TINAG: variants seen among roughly 807,000 people sequenced by gnomAD.
The protein encoded by TINAG is tubulointerstitial nephritis antigen.
Under a neutral mutation model 72.7 loss-of-function variants are expected in TINAG, and 83 were observed. The ratio of observed to expected loss-of-function variants is 1.14; its 90% CI spans 0.96 to 1.37. TINAG has a LOEUF of 1.37. Ranked by LOEUF, TINAG falls within the 40% of genes most tolerant of loss-of-function variation. The pLI, the probability that TINAG is intolerant of heterozygous loss-of-function variation, is 0.00. For missense variants in TINAG, 685 were observed against 576.6 expected (o/e 1.19, Z -1.93); for synonymous variants, 234 against 189.9 (o/e 1.23, Z -1.91).
Position 54,365,835 on chromosome 6 carries a change from G to C in TINAG, c.1250+11199G>C, listed in dbSNP as rs573197309. Among the ~76,000 whole-genome samples the C allele has an allele frequency of 4.6e-5, 7 of 151,636 alleles. No homozygotes were observed. The Admixed American group carries it at 4.6e-4, about 10-fold the overall frequency. On this transcript the variant is annotated intron_variant, in intron 9 of 10. Transcript: ENST00000259782. ...TGAGATTGTATGTTCTCTCTTTAGAGAGTCTTCACTGAGAAATTTAGAGAA... is the reference window on the plus strand; with the variant it reads ...TGAGATTGTATGTTCTCTCTTTAGACAGTCTTCACTGAGAAATTTAGAGAA...
At chr6:54,347,300 G>A in intron 5 of TINAG, 67 bp from the exon 6 acceptor site, 2 of 1,524,348 alleles carry the variant, frequency 1.3e-6, no homozygotes, top group Non-Finnish European at 1.8e-6. Flanking sequence ...CAAACAAAAA[G>A]GGTTATGTAC....
chr6:54,377,884 A>G (rs1210958457), intron 9 of TINAG, among the ~76,000 whole-genome samples: 1 of 152,160 alleles, frequency 6.6e-6, no homozygotes, highest in Non-Finnish European at 1.5e-5. Context: ...GTTTTGCACT[A>G]GTTAACCTTT....
intron 9 of TINAG, among the ~76,000 whole-genome samples, chr6:54,364,069 G>GT (rs560490675): frequency 6.6e-6 from 1 of 151,668 alleles, no homozygotes; most frequent in South Asian, 2.1e-4. Flanking sequence ...GAAAAAAGAT[G>GT]TGGTGGGAGG....
At chr6:54,324,194 T>G (rs9474804) in intron 3 of TINAG, among the ~76,000 whole-genome samples, 106 of 152,296 alleles carry the variant, frequency 7.0e-4, no homozygotes, top group Middle Eastern at 3.4e-3. Flanking sequence ...ACGATAAGCT[T>G]TTCATCTTTT....
At chr6:54,309,348 C>G (rs1408253735) in intron 1 of TINAG, among the ~76,000 whole-genome samples, 2 of 152,150 alleles carry the variant, frequency 1.3e-5, no homozygotes, top group African/African-American at 4.8e-5. Flanking sequence ...AATGGATGCA[C>G]TAGCATTAGA....
chr6:54,328,157 C>G (rs1459812631), intron 4 of TINAG, among the ~76,000 whole-genome samples: 2 of 152,140 alleles, frequency 1.3e-5, no homozygotes, highest in African/African-American at 4.8e-5. Context: ...TCCTGACCCC[C>G]CATGCCTCTT....
chr6:54,342,482 C>A (rs923776183), intron 4 of TINAG, among the ~76,000 whole-genome samples: 2 of 151,946 alleles, frequency 1.3e-5, no homozygotes, highest in Non-Finnish European at 2.9e-5. Flanking sequence ...GATTCTCCCA[C>A]CTGAGCCTCC....
chr6:54,348,242 C>T (rs1293857355), intron 6 of TINAG, among the ~76,000 whole-genome samples: 1 of 152,062 alleles, frequency 6.6e-6, no homozygotes, highest in Non-Finnish European at 1.5e-5. Flanking sequence ...TGATGGGTTG[C>T]AATAAATTGC....
At chr6:54,352,129 G>A (rs980962758) in intron 8 of TINAG, among the ~76,000 whole-genome samples, 5 of 151,644 alleles carry the variant, frequency 3.3e-5, no homozygotes, top group Non-Finnish European at 7.4e-5. Context: ...AATCCAATGA[G>A]GTCTAAAATG....
At chr6:54,381,000 T>C (rs1002757682) in intron 10 of TINAG, among the ~76,000 whole-genome samples, 1 of 148,296 alleles carries the variant, frequency 6.7e-6, no homozygotes, top group Non-Finnish European at 1.5e-5. Context: ...TATATTTATA[T>C]GGCATATATA....
At position 54,316,732 on chromosome 6, in the gene TINAG, T is replaced by A. The variant is rs188171926; in HGVS notation, c.356-3847T>A. On this transcript the variant is annotated intron_variant, in intron 1 of 10. Transcript: ENST00000259782. Reference sequence around the variant, plus strand: ...TTATAATACACTGTGATGAACTATTTTAAAATAAATTATAGACAACATATC... The same window carrying A: ...TTATAATACACTGTGATGAACTATTATAAAATAAATTATAGACAACATATC... Among the ~76,000 whole-genome samples, 142 of 152,290 alleles carry A rather than the reference T, an allele frequency of 9.3e-4. 1 individual carries two copies. The highest frequency in any genetic ancestry group is 2.4e-3 in the African/African-American group (100 of 41,574).
chr6:54,364,207 G>A (rs1157408021), intron 9 of TINAG, among the ~76,000 whole-genome samples: 2 of 151,412 alleles, frequency 1.3e-5, no homozygotes, highest in African/African-American at 2.4e-5. Flanking sequence ...GTACCTTTCT[G>A]CCCTCTTGTG....
intron 1 of TINAG, among the ~76,000 whole-genome samples, chr6:54,316,180 C>T (rs553497041): frequency 2.3e-3 from 343 of 152,240 alleles, no homozygotes; most frequent in Non-Finnish European, 3.9e-3. Context: ...ACAATTCCTC[C>T]TTTCTACTTG....
Position 54,343,270 on chromosome 6 carries a change from T to C in TINAG, c.669T>C (p.Ala223=). ...ATTDLPEFFV[A]SYKWPGWTHG... ...CTGATCTTCCAGAGTTTTTTGTTGC[T>C]TCTTATAAATGGCCTGGATGGACTC... Residue 223 remains alanine (A), a synonymous_variant, in exon 5 of 11, where the codon GCT becomes GCC. Transcript: ENST00000259782. The C allele has an allele frequency of 6.3e-7, 1 of 1,586,124 alleles. No homozygotes were observed.
chr6:54,335,030 C>T (rs1413307542), intron 4 of TINAG, among the ~76,000 whole-genome samples: 1 of 152,018 alleles, frequency 6.6e-6, no homozygotes, highest in Non-Finnish European at 1.5e-5. Flanking sequence ...GAAAAGAGGA[C>T]AGACCTTTAT....
Position 54,349,278 on chromosome 6 carries a change from G to T in TINAG, c.900-438G>T, listed in dbSNP as rs991536512. 2.6e-5 allele frequency among the ~76,000 whole-genome samples: 4 copies of T among 151,826 alleles called. No individual in the cohort carries two copies. The East Asian group carries it at 7.8e-4, about 29-fold the overall frequency. On this transcript the variant is annotated intron_variant, in intron 6 of 10. Transcript: ENST00000259782. ...AACAAAACAAAATAAAAACTTTAAA[G>T]TTACAACTTACATAATTTTAATATC...
intron 1 of TINAG, among the ~76,000 whole-genome samples, chr6:54,314,157 G>A (rs1352932732): frequency 6.6e-6 from 1 of 152,146 alleles, no homozygotes; most frequent in African/African-American, 2.4e-5. Context: ...TAAAAACTAT[G>A]TACCATATAA....
intron 4 of TINAG, 25 bp from the exon 5 acceptor site, chr6:54,343,201 A>G: frequency 4.0e-6 from 6 of 1,505,650 alleles, no homozygotes; most frequent in Non-Finnish European, 5.3e-6. Flanking sequence ...AAAATCTCAT[A>G]TATGTACCTC....
At chr6:54,343,502 A>T (rs1022601326) in intron 5 of TINAG, among the ~76,000 whole-genome samples, 153 bp downstream of exon 5, 4 of 151,722 alleles carry the variant, frequency 2.6e-5, no homozygotes, top group Non-Finnish European at 4.4e-5. Context: ...TAACCTGAAG[A>T]TTATATAAAA....
Sources: gnomAD v4.1 joint callset for allele counts (sites outside exome capture counted in the v4.1 genomes callset) on GRCh38, gnomAD v4.1.1 for gene constraint, MANE v1.5 for transcripts, NCBI Gene and HGNC (gene_info 2026-07-23, HGNC 2026-07-21) for gene names.